PLXNA2: variants seen among roughly 807,000 people sequenced by gnomAD.
The protein encoded by PLXNA2 is plexin-A2.
A neutral mutation model predicts 193.5 loss-of-function variants in PLXNA2; 91 were observed. The observed-to-expected ratio is 0.47, with a 90% CI of 0.40 to 0.56. The LOEUF (loss-of-function observed/expected upper bound fraction) is 0.56, where lower values mean the gene tolerates loss of function less well. Among genes scored for constraint, PLXNA2 ranks in the 20% least tolerant of loss-of-function variants. The pLI is 0.00. For synonymous variants in PLXNA2, 997 were observed against 1,027.3 expected (o/e 0.97, Z 0.56); for missense variants, 1,995 against 2,503.2 (o/e 0.80, Z 4.33).
chr1:208,067,569 C>A (rs1665839488), intron 12 of PLXNA2, among the ~76,000 whole-genome samples: 1 of 152,208 alleles, frequency 6.6e-6, no homozygotes, highest in South Asian at 2.1e-4. Flanking sequence ...ATATGGCGTA[C>A]CATTTTTAAT....
chr1:208,057,764 G>T (rs762787178), intron 13 of PLXNA2, among the ~76,000 whole-genome samples: 10 of 152,172 alleles, frequency 6.6e-5, no homozygotes, highest in Admixed American at 6.5e-4. Flanking sequence ...ATCCAGCTTT[G>T]ACATCTGAAG....
intron 9 of PLXNA2, among the ~76,000 whole-genome samples, chr1:208,085,237 G>A (rs1260645161): frequency 6.6e-6 from 1 of 152,154 alleles, no homozygotes; most frequent in African/African-American, 2.4e-5. Context: ...TTGATTTATG[G>A]AGCTCCATGA....
intron 3 of PLXNA2, among the ~76,000 whole-genome samples, chr1:208,148,025 GAGA>G (rs1668650873): frequency 6.6e-6 from 1 of 152,312 alleles, no homozygotes; most frequent in Non-Finnish European, 1.5e-5. Flanking sequence ...CAGTTGAAAT[GAGA>G]ATGAAATAGT....
chr1:208,090,495 TC>T (rs1666672319), intron 9 of PLXNA2, among the ~76,000 whole-genome samples: 1 of 152,112 alleles, frequency 6.6e-6, no homozygotes, highest in African/African-American at 2.4e-5. Flanking sequence ...TTCAGTGACT[TC>T]CGAATGGTGT....
chr1:208,238,459 T>C (rs1671938879), intron 1 of PLXNA2, among the ~76,000 whole-genome samples: 1 of 152,212 alleles, frequency 6.6e-6, no homozygotes, highest in Admixed American at 6.5e-5. Flanking sequence ...CAAGATGAAC[T>C]ATCAAGGGAT....
chr1:208,178,680 T>C (rs1558230940), intron 3 of PLXNA2, among the ~76,000 whole-genome samples: 1 of 152,210 alleles, frequency 6.6e-6, no homozygotes, highest in Non-Finnish European at 1.5e-5. Context: ...TGTAAACACC[T>C]GTATCCAGGA....
chr1:208,173,581 A>G (rs1306576017), intron 3 of PLXNA2, among the ~76,000 whole-genome samples: 1 of 152,184 alleles, frequency 6.6e-6, no homozygotes, highest in Non-Finnish European at 1.5e-5. Context: ...CGTTCTTTCC[A>G]GTCTACCAGC....
chr1:208,130,403 G>A (rs186176540), intron 4 of PLXNA2, among the ~76,000 whole-genome samples: 1 of 152,274 alleles, frequency 6.6e-6, no homozygotes, highest in Admixed American at 6.5e-5. Flanking sequence ...CTAACATAGT[G>A]TAGACACTAA....
intron 13 of PLXNA2, among the ~76,000 whole-genome samples, chr1:208,056,656 CTG>C (rs1665440985): frequency 6.6e-6 from 1 of 152,080 alleles, no homozygotes. Flanking sequence ...AGAGTGATGA[CTG>C]AGAGATGGAT....
intron 1 of PLXNA2, among the ~76,000 whole-genome samples, chr1:208,235,005 T>A (rs1671810177): frequency 6.6e-6 from 1 of 152,182 alleles, no homozygotes; most frequent in African/African-American, 2.4e-5. Context: ...GGCAGCCAGA[T>A]ACCCATGAGC....
At chr1:208,169,469 A>G (rs1669423544) in intron 3 of PLXNA2, among the ~76,000 whole-genome samples, 1 of 152,236 alleles carries the variant, frequency 6.6e-6, no homozygotes, top group African/African-American at 2.4e-5. Flanking sequence ...GCCCCAGGGC[A>G]AATTACTGCT....
intron 4 of PLXNA2, among the ~76,000 whole-genome samples, chr1:208,135,168 G>T (rs1471324090): frequency 1.3e-5 from 2 of 152,090 alleles, no homozygotes; most frequent in East Asian, 3.9e-4. Flanking sequence ...AGGGGGTGGT[G>T]GGGGGTCTCT....
rs1458402658 is a variant in PLXNA2 at position 208,038,058 on chromosome 1, A to G, written c.4764+313T>C. On this transcript the variant is annotated intron_variant, in intron 26 of 31. Transcript: ENST00000367033. This position sits in a 1 kb window ranked among gnomAD's most constrained non-coding sequence, Gnocchi z 4.1. ...TGGAGGGCTTTGCAATATGCATTTG[A>G]TTTTTGTTGTTGTTGTTGTTTTGTT... 2.0e-5 allele frequency among the ~76,000 whole-genome samples: 3 copies of G among 152,092 alleles called. No individual in the cohort carries two copies. The highest frequency in any genetic ancestry group is 2.9e-5 in the Non-Finnish European group (2 of 68,022).
At chr1:208,033,552 C>T in intron 27 of PLXNA2, 43 bp from the exon 28 acceptor site, 1 of 1,500,888 alleles carries the variant, frequency 6.7e-7, no homozygotes, top group Non-Finnish European at 9.1e-7. Context: ...TAACAGTCAC[C>T]AGCCTTGCTT....
chr1:208,096,170 G>A (rs1248285020), intron 7 of PLXNA2, 45 bp from the exon 8 acceptor site: 10 of 1,409,962 alleles, frequency 7.1e-6, no homozygotes, highest in Admixed American at 1.7e-5. Flanking sequence ...AACAACGTGG[G>A]GGACCCAGTG....
chr1:208,079,023 C>T (rs1036573486), intron 12 of PLXNA2, among the ~76,000 whole-genome samples: 15 of 152,244 alleles, frequency 9.9e-5, no homozygotes, highest in African/African-American at 3.6e-4. Flanking sequence ...TGTGCACGTG[C>T]ACACCAATGC....
At chr1:208,243,493 G>A (rs1446296508) in intron 1 of PLXNA2, 150 bp downstream of exon 1, 1 of 152,064 alleles carries the variant, frequency 6.6e-6, no homozygotes, top group African/African-American at 2.4e-5. Flanking sequence ...GAGCCCACGC[G>A]GGGACTCGCC....
chr1:208,233,518 G>A (rs79606397), intron 1 of PLXNA2, among the ~76,000 whole-genome samples: 6,536 of 152,306 alleles, frequency 0.043, 193 homozygotes, highest in South Asian at 0.074. Flanking sequence ...GAAGTCAATC[G>A]GGTGGCCTAG....
chr1:208,157,888 C>G (rs949412271), intron 3 of PLXNA2, among the ~76,000 whole-genome samples: 12 of 152,240 alleles, frequency 7.9e-5, no homozygotes, highest in African/African-American at 2.7e-4. Context: ...GAAGGCAAGA[C>G]TGTTTGGCAG....
Sources: gnomAD v4.1 joint callset for allele counts (sites outside exome capture counted in the v4.1 genomes callset) on GRCh38, gnomAD v4.1.1 for gene constraint, Gnocchi (gnomAD v3.1) non-coding constraint, MANE v1.5 for transcripts, NCBI Gene and HGNC (gene_info 2026-07-23, HGNC 2026-07-21) for gene names.